TERF1: variants seen among roughly 807,000 people sequenced by gnomAD.
TERF1 encodes the protein telomeric repeat-binding factor 1.
TERF1 carries 20 observed loss-of-function variants against 55.1 expected under a neutral mutation model. That is an observed-to-expected ratio of 0.36 (90% CI 0.26 to 0.53). The LOEUF (loss-of-function observed/expected upper bound fraction) is 0.53, where lower values mean the gene tolerates loss of function less well. Among genes scored for constraint, TERF1 ranks in the 20% least tolerant of loss-of-function variants. TERF1 has a pLI of 0.91. For missense variants in TERF1, 439 were observed against 535.7 expected (o/e 0.82, Z 1.78); for synonymous variants, 168 against 181.2 (o/e 0.93, Z 0.59).
chr8:73,009,206 G>A lies in TERF1; in HGVS notation c.319+1G>A. ...CGCAGGACCCGCAACAGCGCAGAGG[G>A]TGAGTGCAGACCGCGTCCGGGCCGG... is the stretch of plus-strand genomic sequence containing the variant. On this transcript the variant is annotated splice_donor_variant, in intron 1 of 9. Transcript: ENST00000276603. LOFTEE classifies it high-confidence loss of function. 3 of 1,609,260 alleles carry A rather than the reference G, an allele frequency of 1.9e-6. No individual in the cohort carries two copies. Among genetic ancestry groups the A allele is most frequent in the Admixed American group, 1.7e-5 (1 of 59,884 alleles).
chr8:73,042,154 C>T (rs1409504308), intron 9 of TERF1, among the ~76,000 whole-genome samples: 2 of 152,080 alleles, frequency 1.3e-5, no homozygotes, highest in Non-Finnish European at 2.9e-5. Context: ...GATTGGAAAC[C>T]AGAAGTCTCT....
At chr8:73,026,071 G>C (rs1256306004) in intron 5 of TERF1, among the ~76,000 whole-genome samples, 2 of 148,194 alleles carry the variant, frequency 1.3e-5, no homozygotes, top group African/African-American at 2.5e-5. Flanking sequence ...AGTGGCACAC[G>C]CCTGTAGTCC....
chr8:73,026,096 G>A (rs573996476), intron 5 of TERF1, among the ~76,000 whole-genome samples: 3 of 150,858 alleles, frequency 2.0e-5, no homozygotes, highest in Admixed American at 6.6e-5. Flanking sequence ...TACTTGTGGC[G>A]GCTGAGGCAG....
At chr8:73,015,951 G>A (rs975419244) in intron 2 of TERF1, among the ~76,000 whole-genome samples, 1 of 151,996 alleles carries the variant, frequency 6.6e-6, no homozygotes, top group African/African-American at 2.4e-5. Context: ...TCAACAAGTA[G>A]TCAGTGTAAA....
At chr8:73,020,969 G>A (rs1192846557) in intron 3 of TERF1, among the ~76,000 whole-genome samples, 164 bp downstream of exon 3, 1 of 152,076 alleles carries the variant, frequency 6.6e-6, no homozygotes, top group East Asian at 1.9e-4. Flanking sequence ...ACTGGGGGCT[G>A]GAACTTAATG....
rs940291723 is a variant in TERF1, at chr8:73,020,905, A to G, written c.537+100A>G. The G allele has an allele frequency of 3.8e-6, 3 of 791,204 alleles. No individual in the cohort carries two copies. In the Admixed American group the frequency reaches 9.4e-5, roughly 25 times the overall value. The allele number at this position is 791,204 out of a possible 1,614,324, so 49.0% of individuals were successfully genotyped here. On this transcript the variant is annotated intron_variant, in intron 3 of 9. Transcript: ENST00000276603. ...AGAAGTTGAGCAGTAGTAAAATTTA[A>G]TGTATTGTTTCTCTTCAGAAATTTG...
At chr8:73,029,571 A>G (rs1809187625) in intron 6 of TERF1, among the ~76,000 whole-genome samples, 1 of 122,596 alleles carries the variant, frequency 8.2e-6, no homozygotes, top group South Asian at 2.6e-4. Flanking sequence ...TGTTTGTGCC[A>G]CTGCACTCCG....
rs367591734 is a variant in TERF1, at chr8:73,045,971, G to T, written c.1154G>T (p.Trp385Leu). ...ACTTTTTATCAAAAGGCATGGCTTTGGGAAGAAGACAAGAATTTGAGATCT... is the reference window on the plus strand; with the variant it reads ...ACTTTTTATCAAAAGGCATGGCTTTTGGAAGAAGACAAGAATTTGAGATCT... ...HRARKRQAWL[W>L]EEDKNLRSGV... The change falls in exon 10 of 10, where the codon TGG becomes TTG. Residue 385 changes from tryptophan (W) to leucine (L), a missense_variant. Trp to Leu is a moderately conservative substitution (Grantham distance 61). Around this residue, in one of 4 missense-constraint regions of TERF1, gnomAD observed 140 missense variants for 158.6 expected, o/e 0.88. Transcript: ENST00000276603. 8.3e-6 allele frequency: 13 copies of T among 1,574,160 alleles called. No individual in the cohort carries two copies. In the African/African-American group the frequency reaches 1.8e-4, roughly 22 times the overall value.
intron 2 of TERF1, among the ~76,000 whole-genome samples, chr8:73,018,004 T>C (rs538684514): frequency 1.5e-4 from 23 of 152,136 alleles, no homozygotes; most frequent in Non-Finnish European, 2.9e-4. Flanking sequence ...CCACCGCGCC[T>C]GGCCATGCAT....
At chr8:73,033,623 A>G (rs1017054248) in intron 8 of TERF1, among the ~76,000 whole-genome samples, 1 of 152,120 alleles carries the variant, frequency 6.6e-6, no homozygotes, top group Admixed American at 6.5e-5. Context: ...AATGCCAGCT[A>G]CTCAGGAGGC....
intron 2 of TERF1, chr8:73,019,191 A>G (rs1177164428): frequency 2.6e-5 from 4 of 151,998 alleles, no homozygotes; most frequent in Admixed American, 1.3e-4. Context: ...ATGGTAGTCT[A>G]TCCACATCCT....
chr8:73,017,707 C>CTTT (rs71949936), intron 2 of TERF1, among the ~76,000 whole-genome samples: 2 of 140,226 alleles, frequency 1.4e-5, no homozygotes, highest in South Asian at 2.2e-4. Flanking sequence ...TATTTTTTTT[C>CTTT]TTTTTTTTTT....
At chr8:73,012,800 C>CTT (rs1808338425) in intron 1 of TERF1, 1 of 414,188 alleles carries the variant, frequency 2.4e-6, no homozygotes, top group Admixed American at 2.6e-5. Flanking sequence ...TCGTGGTACT[C>CTT]ATTAAAATTT....
rs752683283 is a variant in TERF1, at chr8:73,024,957, A to C, written c.760A>C (p.Thr254Pro). Residue 254 changes from threonine to proline, a missense_variant, in exon 5 of 10, where the codon ACC (threonine) becomes CCC (proline). Transcript: ENST00000276603. ...VNYVLSEKSS[T>P]FLMKAAAKVV... ...TTATGTGCTAAGTGAAAAATCATCA[A>C]CCTTTCTAATGAAGGTATACATATT... is the stretch of plus-strand genomic sequence containing the variant. 7 of 1,566,496 alleles carry C rather than the reference A, an allele frequency of 4.5e-6. No individual in the cohort carries two copies. Among genetic ancestry groups the C allele is most frequent in the Non-Finnish European group, 6.0e-6 (7 of 1,158,076 alleles).
intron 2 of TERF1, among the ~76,000 whole-genome samples, chr8:73,019,980 G>GT (rs201604175): frequency 0.012 from 1,779 of 152,166 alleles, 42 homozygotes; most frequent in African/African-American, 0.041. Flanking sequence ...CTCTGAAACT[G>GT]TATTTATTTC....
chr8:73,022,105 A>G (rs2129776398), intron 3 of TERF1, 111 bp from the exon 4 acceptor site: 1 of 595,126 alleles, frequency 1.7e-6, no homozygotes, highest in Non-Finnish European at 2.9e-6. Context: ...ATTAAGCTAC[A>G]TAAAAATGTT....
intron 9 of TERF1, among the ~76,000 whole-genome samples, chr8:73,045,321 G>A (rs1340025176): frequency 1.3e-5 from 2 of 152,062 alleles, no homozygotes; most frequent in Non-Finnish European, 1.5e-5. Flanking sequence ...TGGTCAAATT[G>A]CTCTTTCAGC....
intron 8 of TERF1, among the ~76,000 whole-genome samples, chr8:73,037,240 A>G (rs1446474452): frequency 7.3e-6 from 1 of 136,958 alleles, no homozygotes; most frequent in African/African-American, 2.7e-5. Context: ...TAATTTATAT[A>G]TAATTATAAA....
rs1808385553 is a variant in TERF1 at position 73,013,986 on chromosome 8, C to G, written c.411C>G (p.Thr137=). The change falls in exon 2 of 10, where the codon ACC becomes ACG. Residue 137 remains threonine (T), a synonymous_variant. Transcript: ENST00000276603. The part of the protein sequence containing the change: ...QFLTRIAAGK[T]LDAQFENDER... ...TGACAAGAATTGCAGCAGGAAAAAC[C>G]CTTGGTAAATATGTTTTTTTATTTT... The G allele has an allele frequency of 6.3e-7, 1 of 1,599,258 alleles. No individual in the cohort carries two copies. Among genetic ancestry groups the G allele is most frequent in the Non-Finnish European group, 8.5e-7 (1 of 1,169,770 alleles).
Sources: allele counts gnomAD v4.1 joint callset (sites outside exome capture counted in the v4.1 genomes callset), GRCh38; gene constraint gnomAD v4.1.1; regional missense constraint gnomAD v4.1.1; transcripts MANE v1.5; gene names NCBI Gene and HGNC (gene_info 2026-07-23, HGNC 2026-07-21).